The following MACROD2 variants were observed in gnomAD, a reference collection of about 807,000 sequenced individuals.
MACROD2 encodes mono-ADP ribosylhydrolase 2, also known as ADP-ribose glycohydrolase MACROD2.
Under a neutral mutation model 70.4 loss-of-function variants are expected in MACROD2, and 36 were observed. The ratio of observed to expected loss-of-function variants is 0.51; its 90% CI spans 0.39 to 0.68. The LOEUF (loss-of-function observed/expected upper bound fraction) is 0.68, where lower values mean the gene tolerates loss of function less well. Ranked by LOEUF, MACROD2 falls within the 30% of genes least tolerant of loss-of-function variation. The pLI, the probability that MACROD2 is intolerant of heterozygous loss-of-function variation, is 0.00. For synonymous variants in MACROD2, 172 were observed against 178.8 expected (o/e 0.96, Z 0.30); for missense variants, 496 against 538.4 (o/e 0.92, Z 0.78).
intron 8 of MACROD2, among the ~76,000 whole-genome samples, chr20:15,856,466 C>T (rs1015497715): frequency 6.6e-6 from 1 of 152,184 alleles, no homozygotes; most frequent in African/African-American, 2.4e-5. Context: ...CTGTTCTCAG[C>T]TCTTCTGGCA....
intron 3 of MACROD2, among the ~76,000 whole-genome samples, chr20:14,305,859 A>G (rs1300870134): frequency 6.7e-6 from 1 of 149,902 alleles, no homozygotes; most frequent in East Asian, 2.0e-4. Context: ...TTTTGTTTTG[A>G]ATTCCTTTAT....
At chr20:14,653,066 C>G (rs1315087243) in intron 4 of MACROD2, among the ~76,000 whole-genome samples, 3 of 152,106 alleles carry the variant, frequency 2.0e-5, no homozygotes, top group African/African-American at 7.2e-5. Flanking sequence ...GAAATGAGGG[C>G]CATATAACTC....
Position 14,657,939 on chromosome 20 carries a change from T to C in MACROD2, c.302-26904T>C, listed in dbSNP as rs569915512. On this transcript the variant is annotated intron_variant, in intron 4 of 17. Coordinates refer to ENST00000684519, the MANE Select transcript of MACROD2 (RefSeq NM_001351661.2). ...GTGTGGCTTAGCATACTGAGCTGTT[T>C]TTCTTTCCTTTTCCAAGACAGTATG... 2.0e-5 allele frequency among the ~76,000 whole-genome samples: 3 copies of C among 151,990 alleles called. No homozygotes were observed. In the East Asian group the frequency reaches 5.8e-4, roughly 29 times the overall value.
At chr20:15,504,264 A>G (rs2047398419) in intron 8 of MACROD2, among the ~76,000 whole-genome samples, 1 of 152,148 alleles carries the variant, frequency 6.6e-6, no homozygotes, top group South Asian at 2.1e-4. Context: ...CACAGCATAT[A>G]TTTAAGAGGA....
rs188990831 is a variant in MACROD2 at position 15,016,161 on chromosome 20, G to T, written c.419-213779G>T. On this transcript the variant is annotated intron_variant, in intron 5 of 17. Transcript: ENST00000684519. Reference sequence around the variant, plus strand: ...GACAACAAGGACAGTTCACTTTCTGGGTGTTAATGAAAATCCTTCTATCTT... The same window carrying T: ...GACAACAAGGACAGTTCACTTTCTGTGTGTTAATGAAAATCCTTCTATCTT... Among the ~76,000 whole-genome samples the T allele has an allele frequency of 2.6e-3, 389 of 152,202 alleles. 1 individual carries two copies. Among genetic ancestry groups the T allele is most frequent in the Non-Finnish European group, 4.2e-3 (285 of 67,998 alleles).
chr20:15,713,987 G>GCACACATGCACACA (rs779418136), intron 8 of MACROD2, among the ~76,000 whole-genome samples: 1 of 117,698 alleles, frequency 8.5e-6, no homozygotes, highest in Non-Finnish European at 1.9e-5. Context: ...ACACACATAT[G>GCACACATGCACACA]CACACACACA....
chr20:14,303,560 G>A (rs1170635162), intron 3 of MACROD2, among the ~76,000 whole-genome samples: 1 of 152,162 alleles, frequency 6.6e-6, no homozygotes, highest in African/African-American at 2.4e-5. Context: ...AGTACATCTT[G>A]CAAGTACTGT....
intron 3 of MACROD2, among the ~76,000 whole-genome samples, chr20:14,275,939 C>T (rs1409661958): frequency 1.3e-5 from 2 of 152,196 alleles, no homozygotes; most frequent in African/African-American, 4.8e-5. Context: ...TACCATCTCA[C>T]ATCAGTTAGA....
At chr20:15,152,859 G>A (rs1258525228) in intron 5 of MACROD2, among the ~76,000 whole-genome samples, 7 of 152,166 alleles carry the variant, frequency 4.6e-5, no homozygotes, top group East Asian at 1.9e-4. Context: ...CGGATAAAAC[G>A]TGTCTCCTTT....
chr20:15,152,567 G>A (rs537620182), intron 5 of MACROD2, among the ~76,000 whole-genome samples: 1 of 151,268 alleles, frequency 6.6e-6, no homozygotes, highest in Non-Finnish European at 1.5e-5. Context: ...AGAAAAGTGG[G>A]ACTTGCCACT....
At chr20:15,981,986 G>C (rs999295011) in intron 13 of MACROD2, among the ~76,000 whole-genome samples, 1 of 147,990 alleles carries the variant, frequency 6.8e-6, no homozygotes, top group Non-Finnish European at 1.5e-5. Context: ...TTTTTTTTTT[G>C]CTGTGTAATT....
intron 6 of MACROD2, among the ~76,000 whole-genome samples, chr20:15,416,842 G>A (rs1344341445): frequency 2.0e-5 from 3 of 152,034 alleles, no homozygotes; most frequent in Non-Finnish European, 4.4e-5. Flanking sequence ...GGCAGAGCTT[G>A]CAGTGAGCCG....
At chr20:15,797,393 G>A (rs1387716822) in intron 8 of MACROD2, among the ~76,000 whole-genome samples, 1 of 152,180 alleles carries the variant, frequency 6.6e-6, no homozygotes, top group Non-Finnish European at 1.5e-5. Flanking sequence ...GGGATTACAG[G>A]CGTGAGCCAC....
chr20:15,708,085 GGC>G (rs150387500), intron 8 of MACROD2, among the ~76,000 whole-genome samples: 5,594 of 151,870 alleles, frequency 0.037, 113 homozygotes, highest in East Asian at 0.055. Context: ...TGCCAGAAGA[GGC>G]ATTGTAATAG....
At chr20:14,312,152 C>A (rs578045848) in intron 3 of MACROD2, among the ~76,000 whole-genome samples, 2 of 152,174 alleles carry the variant, frequency 1.3e-5, no homozygotes, top group South Asian at 4.1e-4. Context: ...GATTCTTAGC[C>A]TGCCTAGCCA....
intron 5 of MACROD2, among the ~76,000 whole-genome samples, chr20:15,069,461 G>A (rs1337148603): frequency 6.6e-6 from 1 of 152,188 alleles, no homozygotes; most frequent in African/African-American, 2.4e-5. Context: ...TGAATAAAAG[G>A]CCTTGAAGGC....
intron 5 of MACROD2, among the ~76,000 whole-genome samples, chr20:14,900,568 T>A (rs6042984): frequency 0.87 from 132,055 of 151,508 alleles, 57,566 homozygotes; most frequent in East Asian, 1. Flanking sequence ...TTTTTAAATT[T>A]CTTCTTGCTT....
At position 15,430,258 on chromosome 20, in the gene MACROD2, T is replaced by C. The variant is rs181606682; in HGVS notation, c.541-1147T>C. Among the ~76,000 whole-genome samples the C allele has an allele frequency of 6.0e-3, 905 of 150,476 alleles. 8 individuals carry two copies. The highest frequency in any genetic ancestry group is 0.021 in the African/African-American group (837 of 40,772). The stretch of plus-strand genomic sequence containing the variant: ...GATAGCACTGTGATAAATGCAGGAA[T>C]AGAGGTTTTTAAAAAAATAATAATT... On this transcript the variant is annotated intron_variant, in intron 6 of 17. Transcript: ENST00000684519.
At chr20:14,035,589 A>G (rs2053297336) in intron 2 of MACROD2, among the ~76,000 whole-genome samples, 1 of 152,194 alleles carries the variant, frequency 6.6e-6, no homozygotes, top group South Asian at 2.1e-4. Flanking sequence ...CCATTTGTTG[A>G]GTTATTTTCA....
Sources: gnomAD v4.1 joint callset for allele counts (sites outside exome capture counted in the v4.1 genomes callset) on GRCh38, gnomAD v4.1.1 for gene constraint, MANE v1.5 for transcripts, NCBI Gene and HGNC (gene_info 2026-07-23, HGNC 2026-07-21) for gene names.